Variants in NOL10 observed in about 807,000 individuals in gnomAD.
NOL10 encodes the protein nucleolar protein 10, also known as H_NH0074G24.1.
A neutral mutation model predicts 103.5 loss-of-function variants in NOL10; 58 were observed. The observed-to-expected ratio is 0.56, with a 90% CI of 0.45 to 0.70. The LOEUF (loss-of-function observed/expected upper bound fraction) is 0.70, where lower values mean the gene tolerates loss of function less well. Ranked by LOEUF, NOL10 falls within the 30% of genes least tolerant of loss-of-function variation. The pLI, the probability that NOL10 is intolerant of heterozygous loss-of-function variation, is 0.00. For synonymous variants in NOL10, 287 were observed against 282.5 expected (o/e 1.02, Z -0.16); for missense variants, 763 against 807.3 (o/e 0.95, Z 0.67).
intron 13 of NOL10, among the ~76,000 whole-genome samples, chr2:10,631,284 C>T (rs551481610): frequency 6.6e-6 from 1 of 152,118 alleles, no homozygotes; most frequent in South Asian, 2.1e-4. Flanking sequence ...TGATTCAAAC[C>T]CAAATCTTAG....
intron 1 of NOL10, 27 bp downstream of exon 1, chr2:10,689,769 G>C (rs1453007934): frequency 6.3e-7 from 1 of 1,587,736 alleles, no homozygotes; most frequent in East Asian, 2.3e-5. Context: ...AAGAGCTCGA[G>C]AGTGAGGGGG....
Position 10,654,531 on chromosome 2 carries a change from G to T in NOL10, c.923C>A (p.Ser308Tyr). 1 of 1,596,616 alleles carries T rather than the reference G, an allele frequency of 6.3e-7. No individual in the cohort carries two copies. The highest frequency in any genetic ancestry group is 8.5e-7 in the Non-Finnish European group (1 of 1,174,852). Residue 308 changes from serine (S) to tyrosine (Y), a missense_variant, in exon 12 of 21, where the codon TCC becomes TAC. By Grantham distance (144) the Ser-to-Tyr change is moderately radical. Transcript: ENST00000381685. ...WNKNSGKIFT[S>Y]LEPEHDLNDV... ...ATTAAGGTCATGCTCTGGCTCCAAG[G>T]AAGTAAATATTTTTCCCTAAAAATA...
intron 13 of NOL10, among the ~76,000 whole-genome samples, chr2:10,612,524 A>G (rs1284293111): frequency 6.6e-6 from 1 of 152,002 alleles, no homozygotes; most frequent in Non-Finnish European, 1.5e-5. Flanking sequence ...TTTCTTTGAG[A>G]CACAGTCTCC....
intron 13 of NOL10, among the ~76,000 whole-genome samples, chr2:10,618,137 G>A (rs1015135971): frequency 1.3e-5 from 2 of 151,388 alleles, no homozygotes; most frequent in African/African-American, 4.9e-5. Context: ...TCAGCCTCCC[G>A]AATAGCTGGG....
At chr2:10,645,717 A>AG (rs1279772323) in intron 12 of NOL10, among the ~76,000 whole-genome samples, 2 of 151,794 alleles carry the variant, frequency 1.3e-5, no homozygotes, top group Non-Finnish European at 2.9e-5. Context: ...TTTTTAGTGG[A>AG]GGGGGGTTTC....
Position 10,657,837 on chromosome 2 carries a change from A to G in NOL10, c.811T>C (p.Tyr271His), listed in dbSNP as rs1386822828. 2 of 1,550,194 alleles carry G rather than the reference A, an allele frequency of 1.3e-6. No individual in the cohort carries two copies. The highest frequency in any genetic ancestry group is 1.4e-5 in the African/African-American group (1 of 73,032). Reference sequence around the variant, plus strand: ...TGAACGGACTTAATGGGCAGCCCATACTGGTGATCTTTAACTAGCAATGGC... The same window carrying G: ...TGAACGGACTTAATGGGCAGCCCATGCTGGTGATCTTTAACTAGCAATGGC... The part of the protein sequence containing the change: ...DKPLLVKDHQ[Y>H]GLPIKSVHFQ... Residue 271 changes from tyrosine to histidine, a missense_variant, in exon 11 of 21, where the codon TAT becomes CAT. Tyr to His is a moderately conservative substitution (Grantham distance 83, BLOSUM62 2). Coordinates refer to ENST00000381685, the MANE Select transcript of NOL10 (RefSeq NM_024894.4).
At position 10,587,230 on chromosome 2, in the gene NOL10, T is replaced by TACATATATATATATACATATATATATAC. The variant is rs1558270811; in HGVS notation, c.1844+1812_1844+1813insGTATATATATATGTATATATATATATGT. Among the ~76,000 whole-genome samples the TACATATATATATATACATATATATATAC allele has an allele frequency of 5.3e-5, 2 of 37,456 alleles. 1 individual carries two copies. The highest frequency in any genetic ancestry group is 1.6e-3 in the East Asian group (2 of 1,232). The allele number at this position is 37,456 out of a possible 152,430, so 24.6% of individuals were successfully genotyped here. A position where few individuals can be genotyped will look rare whatever the true frequency, so the allele number is the denominator to read the frequency against. On this transcript the variant is annotated intron_variant, in intron 19 of 20. Transcript: ENST00000381685. ...ACATATATATATACATATATATACA[T>TACATATATATATATACATATATATATAC]ATATATATACATACATATATATATA...
Position 10,668,674 on chromosome 2 carries a change from G to T in NOL10, c.514C>A (p.Leu172Ile). The change falls in exon 7 of 21, where the codon CTA becomes ATA. Residue 172 changes from leucine to isoleucine, a missense_variant. Transcript: ENST00000381685. The stretch of plus-strand genomic sequence containing the variant: ...ACTACTCACGCAGCATCAGTTTGTA[G>T]AGGATTCAGGTATCGTCCTTGTTCT... ...NLEQGRYLNP[L>I]QTDAAENNVC... is the part of the protein sequence containing the mutation. The T allele has an allele frequency of 1.3e-6, 2 of 1,543,462 alleles. No homozygotes were observed. The highest frequency in any genetic ancestry group is 1.8e-5 in the Admixed American group (1 of 54,418).
chr2:10,602,377 A>T (rs1174279754), intron 16 of NOL10, among the ~76,000 whole-genome samples: 3 of 152,202 alleles, frequency 2.0e-5, no homozygotes, highest in Non-Finnish European at 4.4e-5. Context: ...AGTGCAGTTT[A>T]CGACTGTCGA....
At chr2:10,588,319 T>C (rs1368066248) in intron 19 of NOL10, among the ~76,000 whole-genome samples, 1 of 152,190 alleles carries the variant, frequency 6.6e-6, no homozygotes, top group African/African-American at 2.4e-5. Flanking sequence ...CAACCACCAC[T>C]ACCAACTATT....
intron 19 of NOL10, among the ~76,000 whole-genome samples, chr2:10,587,655 C>T (rs1355960038): frequency 6.6e-6 from 1 of 152,076 alleles, no homozygotes; most frequent in African/African-American, 2.4e-5. Context: ...CTTCTTTATT[C>T]ATGGACATAT....
intron 13 of NOL10, 45 bp from the exon 14 acceptor site, chr2:10,607,356 G>T: frequency 6.5e-7 from 1 of 1,549,704 alleles, no homozygotes; most frequent in Non-Finnish European, 8.7e-7. Flanking sequence ...AGTTTACCAC[G>T]CCATCCAAGT....
intron 12 of NOL10, 33 bp downstream of exon 12, chr2:10,654,448 T>C (rs761267243): frequency 4.9e-6 from 7 of 1,421,804 alleles, no homozygotes; most frequent in Non-Finnish European, 6.8e-6. Context: ...TCTTTTTATT[T>C]GTCTCACTGA....
intron 16 of NOL10, among the ~76,000 whole-genome samples, chr2:10,601,678 T>C (rs1675983119): frequency 6.6e-6 from 1 of 152,068 alleles, no homozygotes; most frequent in Non-Finnish European, 1.5e-5. Flanking sequence ...TTGAGTGTGG[T>C]AGTGTGCGCC....
chr2:10,609,961 G>A (rs994073620), intron 13 of NOL10, among the ~76,000 whole-genome samples: 66 of 152,242 alleles, frequency 4.3e-4, no homozygotes, highest in African/African-American at 1.5e-3. Context: ...ATCTATTCAT[G>A]TACAAAACAC....
intron 19 of NOL10, among the ~76,000 whole-genome samples, chr2:10,585,593 T>C (rs6720112): frequency 0.34 from 52,282 of 152,088 alleles, 9,416 homozygotes; most frequent in Non-Finnish European, 0.4. Flanking sequence ...ACTGGAATAT[T>C]ACTTGGTAAT....
At chr2:10,617,095 C>T (rs902374076) in intron 13 of NOL10, among the ~76,000 whole-genome samples, 1 of 152,102 alleles carries the variant, frequency 6.6e-6, no homozygotes, top group African/African-American at 2.4e-5. Context: ...GAGAGTATGA[C>T]AGACAGAGAC....
intron 13 of NOL10, among the ~76,000 whole-genome samples, chr2:10,625,327 T>C (rs1018680457): frequency 6.6e-6 from 1 of 152,140 alleles, no homozygotes; most frequent in Non-Finnish European, 1.5e-5. Context: ...TGGACCACTC[T>C]GTTGTAAAGT....
chr2:10,618,786 C>T (rs1259032580), intron 13 of NOL10, among the ~76,000 whole-genome samples: 1 of 152,148 alleles, frequency 6.6e-6, no homozygotes, highest in Non-Finnish European at 1.5e-5. Flanking sequence ...GGGCACACCT[C>T]AGTTCTTTTC....
Sources: allele counts gnomAD v4.1 joint callset (sites outside exome capture counted in the v4.1 genomes callset), GRCh38; gene constraint gnomAD v4.1.1; transcripts MANE v1.5; gene names NCBI Gene and HGNC (gene_info 2026-07-23, HGNC 2026-07-21).